SSR3: variants seen among roughly 807,000 people sequenced by gnomAD.
SSR3 encodes translocon-associated protein subunit gamma.
SSR3 carries 10 observed loss-of-function variants against 22.1 expected under a neutral mutation model. The ratio of observed to expected loss-of-function variants is 0.45; its 90% confidence interval spans 0.28 to 0.77. The LOEUF (loss-of-function observed/expected upper bound fraction) is 0.77, where lower values mean the gene tolerates loss of function less well. Among genes scored for constraint, SSR3 ranks in the 30% least tolerant of loss-of-function variants. The probability of loss-of-function intolerance (pLI) is 0.13; values close to 1 mark genes in which losing one functional copy is unlikely to be tolerated. For missense variants in SSR3, 181 were observed against 220.5 expected (o/e 0.82, Z 1.13); for synonymous variants, 104 against 82.5 (o/e 1.26, Z -1.42).
At position 156,552,268 on chromosome 3, in the gene SSR3, C is replaced by T. The variant is rs562678684; in HGVS notation, c.260+1387G>A. Among the ~76,000 whole-genome samples the T allele has an allele frequency of 4.0e-5, 6 of 148,586 alleles. No individual in the cohort carries two copies. The South Asian group carries it at 8.5e-4, about 21-fold the overall frequency. ...GCAGTAAGCCAAGATTGGGCCACTG[C>T]GCTCTAACTTGGGCAACAGAGTGAG... On this transcript the variant is annotated intron_variant, in intron 2 of 4. Transcript: ENST00000265044.
chr3:156,545,634 G>C (rs540111784), intron 3 of SSR3, among the ~76,000 whole-genome samples: 1 of 152,286 alleles, frequency 6.6e-6, no homozygotes, highest in East Asian at 1.9e-4. Context: ...CTCATCTTAA[G>C]AAATCTGTAG....
intron 1 of SSR3, 165 bp downstream of exon 1, chr3:156,554,791 TG>T: frequency 1.1e-6 from 1 of 870,110 alleles, no homozygotes. Context: ...GCGACAACAC[TG>T]TGCCCAAAGA....
At chr3:156,547,955 G>A (rs1016312192) in intron 3 of SSR3, among the ~76,000 whole-genome samples, 2 of 152,110 alleles carry the variant, frequency 1.3e-5, no homozygotes, top group African/African-American at 2.4e-5. Context: ...CCTTTTAAAT[G>A]GTTTCTGGTC....
At chr3:156,554,006 G>A (rs1002473243) in intron 1 of SSR3, 1 of 367,134 alleles carries the variant, frequency 2.7e-6, no homozygotes, top group Non-Finnish European at 4.9e-6. Flanking sequence ...CCTATTACTA[G>A]TCCAGATGAG....
chr3:156,543,367 T>C lies in SSR3; in HGVS notation c.492-98A>G, dbSNP rs1719639180. 7.2e-6 allele frequency: 6 copies of C among 828,764 alleles called. No individual in the cohort carries two copies. In the South Asian group the frequency reaches 8.5e-5, roughly 12 times the overall value. 51.3% of individuals were successfully genotyped at this position (828,764 alleles called of 1,614,324 possible). A position where few individuals can be genotyped will look rare whatever the true frequency, so the allele number is the denominator to read the frequency against. ...TCTTTGGAATGTACTGCTTCCTTCCTGACACTTGGTGTAATCATAATGATG... is the reference window on the plus strand; with the variant it reads ...TCTTTGGAATGTACTGCTTCCTTCCCGACACTTGGTGTAATCATAATGATG... On this transcript the variant is annotated intron_variant, in intron 4 of 4. Coordinates refer to ENST00000265044, the MANE Select transcript of SSR3 (RefSeq NM_007107.5).
chr3:156,544,715 C>A (rs1056744591), intron 3 of SSR3, among the ~76,000 whole-genome samples: 3 of 152,278 alleles, frequency 2.0e-5, no homozygotes, highest in African/African-American at 7.2e-5. Flanking sequence ...TAATGGCAAC[C>A]CGCACGGTTT....
At chr3:156,544,193 T>C in intron 4 of SSR3, 115 bp downstream of exon 4, 1 of 875,898 alleles carries the variant, frequency 1.1e-6, no homozygotes, top group Non-Finnish European at 1.6e-6. Flanking sequence ...CACTATTTAA[T>C]GGACTGACTC....
At chr3:156,552,383 C>T (rs904984755) in intron 2 of SSR3, among the ~76,000 whole-genome samples, 7 of 151,090 alleles carry the variant, frequency 4.6e-5, no homozygotes, top group Non-Finnish European at 7.4e-5. Context: ...GAAATACATA[C>T]TCTTCATTGG....
intron 3 of SSR3, 42 bp from the exon 4 acceptor site, chr3:156,544,481 T>C: frequency 6.8e-7 from 1 of 1,461,038 alleles, no homozygotes; most frequent in Non-Finnish European, 9.1e-7. Flanking sequence ...ATAAATATGA[T>C]TTAAAAAAAC....
At chr3:156,549,104 G>T (rs755651799) in intron 2 of SSR3, 101 bp from the exon 3 acceptor site, 6 of 1,145,514 alleles carry the variant, frequency 5.2e-6, no homozygotes, top group Non-Finnish European at 7.1e-6. Context: ...ACTGGCAACA[G>T]AATGATATTT....
At chr3:156,549,447 G>C (rs1324343376) in intron 2 of SSR3, among the ~76,000 whole-genome samples, 1 of 152,144 alleles carries the variant, frequency 6.6e-6, no homozygotes, top group Non-Finnish European at 1.5e-5. Flanking sequence ...AAACGAAGTG[G>C]AAATAACAGC....
chr3:156,550,471 G>A (rs1191419860), intron 2 of SSR3, among the ~76,000 whole-genome samples: 1 of 152,158 alleles, frequency 6.6e-6, no homozygotes, highest in Non-Finnish European at 1.5e-5. Context: ...CAACCACACT[G>A]CAGGTTTACT....
intron 1 of SSR3, 36 bp from the exon 2 acceptor site, chr3:156,553,817 A>C (rs1215410630): frequency 6.4e-7 from 1 of 1,572,634 alleles, no homozygotes; most frequent in African/African-American, 1.4e-5. Context: ...GTACAAAAAG[A>C]AGCAAAACAT....
intron 2 of SSR3, chr3:156,549,209 A>T (rs1719866329): frequency 6.8e-6 from 3 of 443,154 alleles, no homozygotes; most frequent in Non-Finnish European, 1.2e-5. Flanking sequence ...GATGTGGTTT[A>T]TTAGTGACGT....
chr3:156,549,193 G>T, intron 2 of SSR3, 190 bp from the exon 3 acceptor site: 1 of 485,398 alleles, frequency 2.1e-6, no homozygotes, highest in Non-Finnish European at 3.5e-6. Context: ...TTCGAGAAAT[G>T]TCCAAGATGT....
rs1719439427 is a variant in SSR3 at position 156,540,729 on chromosome 3, G to A, written c.*2474C>T. ...AGTGCTATTTATGAGTATGAACAAA[G>A]GAATTTAATCACTTTGAATCCCAAT... On this transcript the variant is annotated 3_prime_UTR_variant, in exon 5 of 5. Transcript: ENST00000265044. 1 of 151,624 alleles carries A rather than the reference G, an allele frequency of 6.6e-6. No homozygotes were observed. The highest frequency in any genetic ancestry group is 6.6e-5 in the Admixed American group (1 of 15,226). The allele number at this position is 151,624 out of a possible 1,614,324, so 9.4% of individuals were successfully genotyped here.
intron 2 of SSR3, among the ~76,000 whole-genome samples, chr3:156,550,806 C>A (rs183353418): frequency 1.3e-5 from 2 of 152,290 alleles, no homozygotes; most frequent in East Asian, 3.9e-4. Flanking sequence ...CCTCTTCAAC[C>A]CTGCACATAA....
chr3:156,547,579 C>G (rs752921389), intron 3 of SSR3, among the ~76,000 whole-genome samples: 2 of 152,100 alleles, frequency 1.3e-5, no homozygotes, highest in African/African-American at 4.8e-5. Flanking sequence ...CTATGCAGCC[C>G]GACCTCATTA....
At chr3:156,551,993 T>C (rs1246100705) in intron 2 of SSR3, among the ~76,000 whole-genome samples, 1 of 152,038 alleles carries the variant, frequency 6.6e-6, no homozygotes, top group Non-Finnish European at 1.5e-5. Flanking sequence ...AATTTGGCTT[T>C]AATACATTTA....
Sources: gnomAD v4.1 joint callset for allele counts (sites outside exome capture counted in the v4.1 genomes callset) on GRCh38, gnomAD v4.1.1 for gene constraint, MANE v1.5 for transcripts, NCBI Gene and HGNC (gene_info 2026-07-23, HGNC 2026-07-21) for gene names.